Variants in IGSF11 observed in about 807,000 individuals in gnomAD.
IGSF11 encodes the protein CXADR like 1.
In IGSF11, 22 loss-of-function variants were observed where a neutral mutation model predicts 41.0. The observed-to-expected ratio is 0.54, with a 90% CI of 0.38 to 0.77. IGSF11 has a LOEUF of 0.77. Among genes scored for constraint, IGSF11 ranks in the 30% least tolerant of loss-of-function variants. The pLI is 0.00. For synonymous variants in IGSF11, 219 were observed against 201.3 expected (o/e 1.09, Z -0.74); for missense variants, 444 against 530.8 (o/e 0.84, Z 1.61).
At chr3:119,136,358 T>TA (rs1352679360) in intron 1 of IGSF11, among the ~76,000 whole-genome samples, 3 of 151,960 alleles carry the variant, frequency 2.0e-5, no homozygotes, top group African/African-American at 7.2e-5. Flanking sequence ...AACTCCTCAA[T>TA]AAAAAAGACA....
At chr3:119,042,357 G>A (rs547036489) in intron 1 of IGSF11, among the ~76,000 whole-genome samples, 1 of 152,356 alleles carries the variant, frequency 6.6e-6, no homozygotes, top group South Asian at 2.1e-4. Flanking sequence ...TCTCAGCAGG[G>A]AGGGTTGTAG....
chr3:118,941,613 T>C (rs553912335), intron 1 of IGSF11, among the ~76,000 whole-genome samples: 1 of 152,328 alleles, frequency 6.6e-6, no homozygotes, highest in South Asian at 2.1e-4. Flanking sequence ...ATTCCAATTC[T>C]AGATATTTAT....
chr3:119,016,304 A>G (rs1938683811), intron 1 of IGSF11, among the ~76,000 whole-genome samples: 1 of 152,232 alleles, frequency 6.6e-6, no homozygotes, highest in African/African-American at 2.4e-5. Context: ...AAGGTTCTCA[A>G]AGTAAAAACT....
intron 4 of IGSF11, among the ~76,000 whole-genome samples, chr3:118,914,312 G>C (rs546600309): frequency 2.0e-5 from 3 of 151,992 alleles, no homozygotes; most frequent in Non-Finnish European, 2.9e-5. Context: ...CGACGCAGAA[G>C]ACGGGTGATT....
chr3:119,022,563 G>A (rs1000034569), intron 1 of IGSF11, among the ~76,000 whole-genome samples: 4 of 152,148 alleles, frequency 2.6e-5, no homozygotes, highest in Non-Finnish European at 4.4e-5. Context: ...CAAATGACTT[G>A]AATAGAAAAT....
chr3:119,054,148 G>C (rs1941730754), intron 1 of IGSF11, among the ~76,000 whole-genome samples: 1 of 152,032 alleles, frequency 6.6e-6, no homozygotes, highest in Admixed American at 6.6e-5. Flanking sequence ...AATGCAAAAA[G>C]TCAAAGATAA....
chr3:119,053,003 A>T (rs1324674628), intron 1 of IGSF11, among the ~76,000 whole-genome samples: 1 of 152,222 alleles, frequency 6.6e-6, no homozygotes, highest in Non-Finnish European at 1.5e-5. Context: ...CCTAACTGTA[A>T]TAAAAGCCAT....
intron 1 of IGSF11, chr3:118,945,848 T>C (rs776412440): frequency 9.8e-5 from 15 of 152,328 alleles, no homozygotes; most frequent in Middle Eastern, 3.4e-3. Context: ...GCTTATTGTC[T>C]CCTTCTGTTC....
intron 1 of IGSF11, among the ~76,000 whole-genome samples, chr3:118,966,600 T>C (rs1263748971): frequency 6.6e-6 from 1 of 152,206 alleles, no homozygotes; most frequent in Non-Finnish European, 1.5e-5. Flanking sequence ...CACCTCCATA[T>C]TATGTATCTT....
At chr3:119,109,644 T>C (rs1576810909), upstream of IGSF11, among the ~76,000 whole-genome samples, 1 of 152,246 alleles carries the variant, frequency 6.6e-6, no homozygotes, top group Non-Finnish European at 1.5e-5. Flanking sequence ...TTTGAATGTA[T>C]TTGCTCTTGC....
intron 1 of IGSF11, among the ~76,000 whole-genome samples, chr3:119,025,122 T>C (rs966484970): frequency 6.6e-6 from 1 of 152,162 alleles, no homozygotes; most frequent in African/African-American, 2.4e-5. Flanking sequence ...CATTTTATTA[T>C]ATTGGGAGGG....
intron 1 of IGSF11, among the ~76,000 whole-genome samples, chr3:119,040,273 T>A (rs1409103148): frequency 6.6e-6 from 1 of 152,166 alleles, no homozygotes; most frequent in Non-Finnish European, 1.5e-5. Flanking sequence ...GAAGACAGCT[T>A]TGACTCACTA....
At chr3:119,026,135 T>C (rs1939800947) in intron 1 of IGSF11, among the ~76,000 whole-genome samples, 1 of 152,196 alleles carries the variant, frequency 6.6e-6, no homozygotes, top group East Asian at 1.9e-4. Context: ...CTTAAAAATC[T>C]TCTTAAATAC....
At chr3:118,925,020 A>G (rs1043027258) in intron 4 of IGSF11, among the ~76,000 whole-genome samples, 1 of 152,210 alleles carries the variant, frequency 6.6e-6, no homozygotes, top group Non-Finnish European at 1.5e-5. Context: ...AATGTGGCTG[A>G]AACATTTAGC....
At chr3:118,923,454 TC>T (rs1942015613) in intron 4 of IGSF11, among the ~76,000 whole-genome samples, 1 of 152,224 alleles carries the variant, frequency 6.6e-6, no homozygotes, top group Non-Finnish European at 1.5e-5. Flanking sequence ...GAAATTTAAC[TC>T]TGATCTAATA....
At chr3:119,106,285 T>C (rs747818388), upstream of IGSF11, among the ~76,000 whole-genome samples, 1 of 152,230 alleles carries the variant, frequency 6.6e-6, no homozygotes, top group Non-Finnish European at 1.5e-5. Context: ...AGTTATACTA[T>C]CAAATAGTAG....
At chr3:119,001,291 T>G (rs1936810820) in intron 1 of IGSF11, among the ~76,000 whole-genome samples, 1 of 151,238 alleles carries the variant, frequency 6.6e-6, no homozygotes, top group African/African-American at 2.4e-5. Context: ...TTTACTTACT[T>G]ATATTTATTT....
intron 1 of IGSF11, among the ~76,000 whole-genome samples, chr3:119,098,640 T>C (rs2076893517): frequency 6.6e-6 from 1 of 152,216 alleles, no homozygotes; most frequent in Non-Finnish European, 1.5e-5. Context: ...TTTACTAAAC[T>C]TAAAAGCCTT....
chr3:118,933,677 A>C (rs1010087990), intron 1 of IGSF11, among the ~76,000 whole-genome samples: 6 of 152,150 alleles, frequency 3.9e-5, no homozygotes, highest in African/African-American at 1.4e-4. Flanking sequence ...TAAGGAACAC[A>C]CACTTACTAC....
Sources: gnomAD v4.1 joint callset for allele counts (sites outside exome capture counted in the v4.1 genomes callset) on GRCh38, gnomAD v4.1.1 for gene constraint, MANE v1.5 for transcripts, NCBI Gene and HGNC (gene_info 2026-07-23, HGNC 2026-07-21) for gene names.